CCDC136: variants seen among roughly 807,000 people sequenced by gnomAD.
CCDC136 encodes coiled-coil domain-containing protein 136.
In CCDC136, 100 loss-of-function variants were observed where a neutral mutation model predicts 141.2. That is an observed-to-expected ratio of 0.71 (90% confidence interval 0.60 to 0.84). CCDC136 has a LOEUF of 0.84. CCDC136 is among the 40% of genes least tolerant of loss of function. CCDC136 has a pLI of 0.00. For missense variants in CCDC136, 1,206 were observed against 1,379.4 expected (o/e 0.87, Z 1.99); for synonymous variants, 474 against 531.9 (o/e 0.89, Z 1.50).
intron 14 of CCDC136, 101 bp from the exon 15 acceptor site, chr7:128,814,537 T>C: frequency 1.2e-6 from 1 of 844,680 alleles, no homozygotes; most frequent in South Asian, 2.2e-5. Context: ...GGGAGATTTC[T>C]GAGACAGTGA....
At position 128,812,903 on chromosome 7, in the gene CCDC136, A is replaced by G. The variant is rs370442842; in HGVS notation, c.2737A>G (p.Met913Val). 55 of 1,610,062 alleles carry G rather than the reference A, an allele frequency of 3.4e-5. No individual in the cohort carries two copies. Among genetic ancestry groups the G allele is most frequent in the Non-Finnish European group, 4.5e-5 (53 of 1,178,228 alleles). Residue 913 changes from methionine (M) to valine (V), a missense_variant, in exon 14 of 18, where the codon ATG becomes GTG. Transcript: ENST00000297788. The part of the protein sequence containing the change: ...KECMECLEKP[M>V]APQNDKNEIK... The stretch of plus-strand genomic sequence containing the variant: ...GTGCATGGAATGCCTTGAAAAGCCC[A>G]TGGCCCCCCAGAACGACAAGAATGA...
At chr7:128,796,273 T>A (rs1450641394) in intron 3 of CCDC136, among the ~76,000 whole-genome samples, 1 of 152,030 alleles carries the variant, frequency 6.6e-6, no homozygotes, top group African/African-American at 2.4e-5. Context: ...ACCTGAATAA[T>A]GAAAAGGATC....
In CCDC136 at chr7:128,821,827, T is replaced by C. The variant is rs1258419011; in HGVS notation, c.*34T>C. On this transcript the variant is annotated 3_prime_UTR_variant, in exon 18 of 18. Coordinates refer to ENST00000297788, the MANE Select transcript of CCDC136 (RefSeq NM_022742.5). This position sits in a 1 kb window ranked among gnomAD's most constrained non-coding sequence, Gnocchi z 5.1. ...ATGTTTGGGTTGTGGAAGCCTATGG[T>C]ATTCTTGGCTATTGCAGCTGTGGCT... 1 of 1,290,378 alleles carries C rather than the reference T, an allele frequency of 7.7e-7. No individual in the cohort carries two copies. The allele number at this position is 1,290,378 out of a possible 1,614,324, so 79.9% of individuals were successfully genotyped here.
In CCDC136 at chr7:128,815,920, G is replaced by A. The variant is rs1050530662; in HGVS notation, c.3352G>A (p.Glu1118Lys). 4 of 1,609,542 alleles carry A rather than the reference G, an allele frequency of 2.5e-6. No homozygotes were observed. Among genetic ancestry groups the A allele is most frequent in the South Asian group, 1.1e-5 (1 of 90,548 alleles). The change falls in exon 16 of 18, where the codon GAG (glutamate) becomes AAG (lysine). Residue 1118 changes from glutamate to lysine, a missense_variant. Coordinates refer to ENST00000297788, the MANE Select transcript of CCDC136 (RefSeq NM_022742.5). ...AGAAAATAACCCCCTCAGACTTTCC[G>A]AGAGCAAAAAGGTAACCAGAGCCAA... ...PEENNPLRLS[E>K]SKKSSPTPNP...
In CCDC136 at chr7:128,817,568, G is replaced by A. The variant is rs545894662; in HGVS notation, c.3364-190G>A. Among the ~76,000 whole-genome samples the A allele has an allele frequency of 3.9e-5, 6 of 152,224 alleles. No homozygotes were observed. Among genetic ancestry groups the A allele is most frequent in the South Asian group, 2.1e-4 (1 of 4,814 alleles). ...AATTTTGCAATTCCTGCAGACTGCCGGTGGAAAGAACCAAGGCCCAGGCAG... is the reference window on the plus strand; with the variant it reads ...AATTTTGCAATTCCTGCAGACTGCCAGTGGAAAGAACCAAGGCCCAGGCAG... On this transcript the variant is annotated intron_variant, in intron 16 of 17. Coordinates refer to ENST00000297788, the MANE Select transcript of CCDC136 (RefSeq NM_022742.5). This position sits in a 1 kb window ranked among gnomAD's most constrained non-coding sequence, Gnocchi z 4.6.
Position 128,794,732 on chromosome 7 carries a change from G to A in CCDC136, c.310G>A (p.Ala104Thr), listed in dbSNP as rs993390181. ...TGAACGGCTAGCCAGCGCCCAGCAG[G>A]CAGAGGTGTTCACCAAGCAGATCCA... ...EDERLASAQQAEVFTKQIQQL... is the reference protein window; with the variant it reads ...EDERLASAQQTEVFTKQIQQL... Residue 104 changes from alanine (A) to threonine (T), a missense_variant, in exon 3 of 18, where the codon GCA becomes ACA. Ala to Thr is a moderately conservative substitution (Grantham distance 58). Coordinates refer to ENST00000297788, the MANE Select transcript of CCDC136 (RefSeq NM_022742.5). This position sits in a 1 kb window ranked among gnomAD's most constrained non-coding sequence, Gnocchi z 4.3. 2 of 1,551,696 alleles carry A rather than the reference G, an allele frequency of 1.3e-6. No homozygotes were observed. The highest frequency in any genetic ancestry group is 1.7e-6 in the Non-Finnish European group (2 of 1,146,968).
At chr7:128,795,591 G>T (rs1258825047) in intron 3 of CCDC136, among the ~76,000 whole-genome samples, 4 of 152,062 alleles carry the variant, frequency 2.6e-5, no homozygotes, top group Non-Finnish European at 5.9e-5. Flanking sequence ...GTAGATACAG[G>T]AAGGGTGGTC....
At chr7:128,798,064 C>T (rs1268294165) in intron 3 of CCDC136, among the ~76,000 whole-genome samples, 7 of 150,882 alleles carry the variant, frequency 4.6e-5, no homozygotes, top group African/African-American at 1.7e-4. Flanking sequence ...ACTACAGGCG[C>T]CCGCCACCAC....
At chr7:128,807,138 A>G (rs567817173) in intron 9 of CCDC136, among the ~76,000 whole-genome samples, 1 of 151,812 alleles carries the variant, frequency 6.6e-6, no homozygotes, top group South Asian at 2.1e-4. Flanking sequence ...AATTATTTTT[A>G]TATTTATTTA....
In CCDC136 at chr7:128,796,596, A is replaced by C. The variant is rs1184916604; in HGVS notation, c.346+1828A>C. 3.3e-5 allele frequency among the ~76,000 whole-genome samples: 5 copies of C among 151,892 alleles called. No individual in the cohort carries two copies. In the East Asian group the frequency reaches 7.8e-4, roughly 24 times the overall value. Reference sequence around the variant, plus strand: ...TTTTTAAAAGAGAACTTGGCCACTAAGTGGAAACACTTAAGATGGAGGGAA... The same window carrying C: ...TTTTTAAAAGAGAACTTGGCCACTACGTGGAAACACTTAAGATGGAGGGAA... On this transcript the variant is annotated intron_variant, in intron 3 of 17. Coordinates refer to ENST00000297788, the MANE Select transcript of CCDC136 (RefSeq NM_022742.5).
In CCDC136 at chr7:128,809,719, T is replaced by C. The variant is rs542706577; in HGVS notation, c.1800+75T>C. ...GCTTCCCTGTGTGACTAGGGAAAAA[T>C]AAAAGGGTGGGGATTGAACTTTTTC... is the stretch of plus-strand genomic sequence containing the variant. On this transcript the variant is annotated intron_variant, in intron 11 of 17. Transcript: ENST00000297788. 2.7e-5 allele frequency: 31 copies of C among 1,141,354 alleles called. No homozygotes were observed. The South Asian group carries it at 5.0e-4, about 19-fold the overall frequency. 70.7% of individuals were successfully genotyped at this position (1,141,354 alleles called of 1,614,324 possible).
In CCDC136 at chr7:128,812,292, G is replaced by T; in HGVS notation, c.2521G>T (p.Ala841Ser). 6.2e-7 allele frequency: 1 copy of T among 1,612,382 alleles called. No homozygotes were observed. The highest frequency in any genetic ancestry group is 8.5e-7 in the Non-Finnish European group (1 of 1,179,352). The change falls in exon 13 of 18, where the codon GCT becomes TCT. Residue 841 changes from alanine to serine, a missense_variant. Physicochemically the swap from Ala to Ser is moderately conservative, Grantham distance 99 (BLOSUM62 1). Transcript: ENST00000297788. The stretch of plus-strand genomic sequence containing the variant: ...CAGCAGCTGCACTGACGAGGAACCT[G>T]CTGAGCCTGAAGACATGGAGGTAAT... Reference protein sequence around the residue: ...FVSSCTDEEPAEPEDMERFEE... With the variant: ...FVSSCTDEEPSEPEDMERFEE...
In CCDC136 at chr7:128,795,936, C is replaced by T. The variant is rs184454395; in HGVS notation, c.346+1168C>T. ...CAGATGGCAATAAATGCTATGAACA[C>T]GATATAATAATATGATACAGAGAGG... is the stretch of plus-strand genomic sequence containing the variant. On this transcript the variant is annotated intron_variant, in intron 3 of 17. Coordinates refer to ENST00000297788, the MANE Select transcript of CCDC136 (RefSeq NM_022742.5). 9.0e-4 allele frequency among the ~76,000 whole-genome samples: 137 copies of T among 152,132 alleles called. 1 individual carries two copies. The highest frequency in any genetic ancestry group is 3.1e-3 in the African/African-American group (128 of 41,490).
intron 3 of CCDC136, among the ~76,000 whole-genome samples, chr7:128,798,934 G>A (rs1431779556): frequency 6.7e-6 from 1 of 148,308 alleles, no homozygotes; most frequent in East Asian, 2.0e-4. Context: ...GCTCAGGGGA[G>A]CAGGGTAGAT....
At chr7:128,791,919 G>T, upstream of CCDC136, 2 of 603,818 alleles carry the variant, frequency 3.3e-6, no homozygotes, top group Non-Finnish European at 2.3e-6. The surrounding 1 kb of genome is among the most constrained non-coding windows in gnomAD (Gnocchi z 7.1). Context: ...GAGGGGAGGG[G>T]AGCGGTCGCA....
intron 4 of CCDC136, among the ~76,000 whole-genome samples, chr7:128,802,842 AG>A (rs370341089): frequency 1.3e-5 from 2 of 152,198 alleles, no homozygotes; most frequent in Non-Finnish European, 2.9e-5. Flanking sequence ...TATTTAAAGA[AG>A]AAAAAAACCT....
intron 4 of CCDC136, among the ~76,000 whole-genome samples, chr7:128,802,954 G>A (rs370075620): frequency 1.6e-4 from 24 of 152,282 alleles, no homozygotes; most frequent in East Asian, 5.8e-4. Context: ...AATGCTTAGC[G>A]CATGGTTAGT....
chr7:128,804,900 A>C (rs1440494847), intron 5 of CCDC136, 139 bp downstream of exon 5: 4 of 611,046 alleles, frequency 6.5e-6, no homozygotes, highest in Non-Finnish European at 1.2e-5. Flanking sequence ...TGGTTTCCAA[A>C]GGATACAGAT....
chr7:128,816,015 G>A lies in CCDC136; in HGVS notation c.3363+84G>A, dbSNP rs1461585430. Reference sequence around the variant, plus strand: ...CGAGTTAATGGGTGGCCCTGCCAAGGATGGATATCTCCAGGAGTGGAGGCC... The same window carrying A: ...CGAGTTAATGGGTGGCCCTGCCAAGAATGGATATCTCCAGGAGTGGAGGCC... On this transcript the variant is annotated intron_variant, in intron 16 of 17. Coordinates refer to ENST00000297788, the MANE Select transcript of CCDC136 (RefSeq NM_022742.5). 2.9e-6 allele frequency: 4 copies of A among 1,374,210 alleles called. No individual in the cohort carries two copies. The Admixed American group carries it at 7.1e-5, about 24-fold the overall frequency. 85.1% of individuals were successfully genotyped at this position (1,374,210 alleles called of 1,614,324 possible). A position where few individuals can be genotyped will look rare whatever the true frequency, so the allele number is the denominator to read the frequency against.
Sources: allele counts gnomAD v4.1 joint callset (sites outside exome capture counted in the v4.1 genomes callset), GRCh38; gene constraint gnomAD v4.1.1; non-coding constraint Gnocchi (gnomAD v3.1); transcripts MANE v1.5; gene names NCBI Gene and HGNC (gene_info 2026-07-23, HGNC 2026-07-21).